Variants in LRRC1 observed in about 807,000 individuals in gnomAD.
LRRC1 encodes the protein leucine-rich repeat-containing protein 1.
A neutral mutation model predicts 69.9 loss-of-function variants in LRRC1; 28 were observed. That is an observed-to-expected ratio of 0.40 (90% CI 0.30 to 0.55). The LOEUF is 0.55. Among genes scored for constraint, LRRC1 ranks in the 20% least tolerant of loss-of-function variants. LRRC1 has a pLI of 0.47. For synonymous variants in LRRC1, 236 were observed against 240.2 expected (o/e 0.98, Z 0.16); for missense variants, 498 against 609.0 (o/e 0.82, Z 1.92).
At chr6:53,829,913 A>G (rs1765380395) in intron 1 of LRRC1, among the ~76,000 whole-genome samples, 2 of 152,166 alleles carry the variant, frequency 1.3e-5, no homozygotes, top group South Asian at 4.1e-4. Context: ...TCTTTTCTTG[A>G]ATATTCTTTT....
intron 1 of LRRC1, among the ~76,000 whole-genome samples, chr6:53,805,752 A>G (rs972203757): frequency 6.6e-6 from 1 of 152,218 alleles, no homozygotes; most frequent in Admixed American, 6.5e-5. Flanking sequence ...ATTGTTATCA[A>G]TACTGACTTT....
At chr6:53,845,171 T>C (rs1038727986) in intron 2 of LRRC1, among the ~76,000 whole-genome samples, 1 of 152,126 alleles carries the variant, frequency 6.6e-6, no homozygotes, top group African/African-American at 2.4e-5. Flanking sequence ...GCCATTGCAC[T>C]CCAGCCTAGG....
chr6:53,875,783 T>C (rs899654109), intron 2 of LRRC1, among the ~76,000 whole-genome samples: 4 of 152,194 alleles, frequency 2.6e-5, no homozygotes, highest in Admixed American at 2.6e-4. Flanking sequence ...TGTTAAATAA[T>C]TGTACATATG....
intron 11 of LRRC1, among the ~76,000 whole-genome samples, chr6:53,915,812 C>T (rs1768546316): frequency 6.6e-6 from 1 of 152,092 alleles, no homozygotes; most frequent in Admixed American, 6.6e-5. Flanking sequence ...AAATGTTAAG[C>T]CTATTAAAAT....
chr6:53,853,409 T>C (rs6935621), intron 2 of LRRC1, among the ~76,000 whole-genome samples: 56,247 of 151,272 alleles, frequency 0.37, 10,915 homozygotes, highest in East Asian at 0.64. Flanking sequence ...CTCAGCCTCC[T>C]GAATAGCTGG....
chr6:53,840,575 CTT>C (rs1351069813), intron 1 of LRRC1, among the ~76,000 whole-genome samples: 1 of 151,972 alleles, frequency 6.6e-6, no homozygotes, highest in African/African-American at 2.4e-5. Flanking sequence ...TTTGTAGTAC[CTT>C]GTGAACCGGT....
intron 2 of LRRC1, among the ~76,000 whole-genome samples, chr6:53,861,017 TG>T (rs34173105): frequency 0.36 from 54,702 of 151,712 alleles, 10,425 homozygotes; most frequent in East Asian, 0.64. Context: ...CGACAGACAC[TG>T]GGGCCGCTTT....
At chr6:53,885,913 T>C (rs1393179547) in intron 4 of LRRC1, among the ~76,000 whole-genome samples, 2 of 152,170 alleles carry the variant, frequency 1.3e-5, no homozygotes, top group Non-Finnish European at 2.9e-5. Context: ...GTCCTGTGTT[T>C]TTTTACTACT....
intron 6 of LRRC1, 28 bp downstream of exon 6, chr6:53,896,920 A>AACTT: frequency 7.0e-7 from 1 of 1,435,608 alleles, no homozygotes; most frequent in South Asian, 1.2e-5. Context: ...ATTTGAATTT[A>AACTT]ACTTTGTTTT....
At chr6:53,798,962 C>T (rs999048440) in intron 1 of LRRC1, among the ~76,000 whole-genome samples, 2 of 152,218 alleles carry the variant, frequency 1.3e-5, no homozygotes, top group African/African-American at 4.8e-5. Context: ...TCTGTACTTC[C>T]TCAGCCTTTC....
In LRRC1 at chr6:53,795,209, C is replaced by A. The variant is rs1226055436; in HGVS notation, c.-48C>A. On this transcript the variant is annotated 5_prime_UTR_variant, in exon 1 of 14. Transcript: ENST00000370888. The stretch of plus-strand genomic sequence containing the variant: ...CCGCCGGCCAGAGCGGGCTCGGAGC[C>A]CGGGTCTCCGCCGCTCGGGACCCGG... 1.3e-6 allele frequency: 2 copies of A among 1,536,220 alleles called. No homozygotes were observed. Among genetic ancestry groups the A allele is most frequent in the African/African-American group, 1.4e-5 (1 of 73,240 alleles).
intron 1 of LRRC1, among the ~76,000 whole-genome samples, chr6:53,801,838 A>G (rs1385989950): frequency 6.6e-6 from 1 of 152,206 alleles, no homozygotes; most frequent in Non-Finnish European, 1.5e-5. Flanking sequence ...ATTAATAATA[A>G]TTATAATTGT....
intron 4 of LRRC1, among the ~76,000 whole-genome samples, chr6:53,885,200 C>T (rs1270923854): frequency 6.6e-6 from 1 of 152,158 alleles, no homozygotes; most frequent in Non-Finnish European, 1.5e-5. Flanking sequence ...ACCTGGTGTC[C>T]AAGACCTTTT....
chr6:53,913,604 A>C (rs908526431), intron 10 of LRRC1, among the ~76,000 whole-genome samples: 2 of 152,326 alleles, frequency 1.3e-5, no homozygotes, highest in East Asian at 3.9e-4. Context: ...AAATTTTTTA[A>C]CTGTATCATT....
chr6:53,885,532 A>C (rs558610163), intron 4 of LRRC1, among the ~76,000 whole-genome samples: 1 of 152,322 alleles, frequency 6.6e-6, no homozygotes, highest in South Asian at 2.1e-4. Context: ...TCTGATGTGG[A>C]ATCCTTACAT....
intron 2 of LRRC1, among the ~76,000 whole-genome samples, chr6:53,863,361 G>A (rs146744815): frequency 6.2e-4 from 94 of 152,226 alleles, no homozygotes; most frequent in Middle Eastern, 3.4e-3. Context: ...GGATTTTGTC[G>A]TTTGCCTCTT....
At chr6:53,844,788 AT>A (rs2127417150) in intron 2 of LRRC1, among the ~76,000 whole-genome samples, 1 of 152,286 alleles carries the variant, frequency 6.6e-6, no homozygotes, top group East Asian at 1.9e-4. Context: ...GGAGTTAACC[AT>A]TCCCTTCCCT....
At chr6:53,912,387 AC>A (rs1425464082) in intron 10 of LRRC1, among the ~76,000 whole-genome samples, 1 of 152,230 alleles carries the variant, frequency 6.6e-6, no homozygotes, top group African/African-American at 2.4e-5. Context: ...TCTATAAAAA[AC>A]AATGGGATCA....
At position 53,809,357 on chromosome 6, in the gene LRRC1, T is replaced by C. The variant is rs767880744; in HGVS notation, c.159+13942T>C. ...TCCATCTTATAACATATTACACTTA[T>C]TCTCATACCTTGATTTTTGATAACT... On this transcript the variant is annotated intron_variant, in intron 1 of 13. Coordinates refer to ENST00000370888, the MANE Select transcript of LRRC1 (RefSeq NM_018214.5). Among the ~76,000 whole-genome samples, 6 of 152,344 alleles carry C rather than the reference T, an allele frequency of 3.9e-5. 1 individual carries two copies. The highest frequency in any genetic ancestry group is 4.4e-5 in the Non-Finnish European group (3 of 68,026).
Sources: allele counts gnomAD v4.1 joint callset (sites outside exome capture counted in the v4.1 genomes callset), GRCh38; gene constraint gnomAD v4.1.1; transcripts MANE v1.5; gene names NCBI Gene and HGNC (gene_info 2026-07-23, HGNC 2026-07-21).